Variants in RBFOX1 observed in about 807,000 individuals in gnomAD.
The protein encoded by RBFOX1 is RNA binding protein fox-1 homolog 1.
A neutral mutation model predicts 57.7 loss-of-function variants in RBFOX1; 8 were observed. That is an observed-to-expected ratio of 0.14 (90% CI 0.08 to 0.25). The LOEUF (loss-of-function observed/expected upper bound fraction) is 0.25. RBFOX1 is among the 10% of genes least tolerant of loss of function. The pLI is 1.00. For synonymous variants in RBFOX1, 326 were observed against 222.4 expected (o/e 1.47, Z -4.15); for missense variants, 611 against 548.5 (o/e 1.11, Z -1.14).
rs148640427 is a variant in RBFOX1 at position 6,339,032 on chromosome 16, T to C, written c.-64+21975T>C. Among the ~76,000 whole-genome samples, 16 of 152,228 alleles carry C rather than the reference T, an allele frequency of 1.1e-4. No homozygotes were observed. In the East Asian group the frequency reaches 2.9e-3, roughly 28 times the overall value. On this transcript the variant is annotated intron_variant, in intron 2 of 15. Coordinates refer to ENST00000550418, the MANE Select transcript of RBFOX1 (RefSeq NM_018723.4). Reference sequence around the variant, plus strand: ...CCTGGGGCAGACTTAGACAATTAGATAGAAGGATCAGGAGTGGAATGGAAT... The same window carrying C: ...CCTGGGGCAGACTTAGACAATTAGACAGAAGGATCAGGAGTGGAATGGAAT...
At chr16:7,045,985 A>G (rs1348897275) in intron 3 of RBFOX1, among the ~76,000 whole-genome samples, 1 of 152,076 alleles carries the variant, frequency 6.6e-6, no homozygotes, top group African/African-American at 2.4e-5. Flanking sequence ...AATTAACGAA[A>G]ATCAATGCTA....
intron 3 of RBFOX1, chr16:5,867,195 C>G: frequency 1.6e-6 from 1 of 624,884 alleles, no homozygotes; most frequent in Non-Finnish European, 2.3e-6. Flanking sequence ...CAACCTTTGT[C>G]CCCTCGGGTC....
chr16:6,726,389 T>C (rs1244152245), intron 3 of RBFOX1, among the ~76,000 whole-genome samples: 1 of 117,670 alleles, frequency 8.5e-6, no homozygotes, highest in South Asian at 4.5e-4. Context: ...AATAAAACGC[T>C]ATTTTTTCTT....
At chr16:6,916,435 G>A (rs145229463) in intron 3 of RBFOX1, among the ~76,000 whole-genome samples, 6 of 151,994 alleles carry the variant, frequency 3.9e-5, no homozygotes, top group East Asian at 3.9e-4. Flanking sequence ...GGAATTGCTG[G>A]GTAATGTGGT....
At chr16:6,527,641 A>G (rs759814336) in intron 2 of RBFOX1, among the ~76,000 whole-genome samples, 5 of 152,120 alleles carry the variant, frequency 3.3e-5, no homozygotes, top group Admixed American at 6.6e-5. Context: ...TATCTTGAGG[A>G]CTGGTCTTGA....
chr16:6,975,807 ATAATGG>A (rs1186547365), intron 3 of RBFOX1, among the ~76,000 whole-genome samples: 3 of 152,278 alleles, frequency 2.0e-5, no homozygotes, highest in East Asian at 1.9e-4. Flanking sequence ...GTGAATAAAG[ATAATGG>A]TAATGGTAAT....
chr16:7,210,662 G>A (rs2090950826), intron 4 of RBFOX1, among the ~76,000 whole-genome samples: 1 of 152,100 alleles, frequency 6.6e-6, no homozygotes, highest in Admixed American at 6.6e-5. Context: ...TAGGTGTCAG[G>A]CATGCTGTTA....
intron 3 of RBFOX1, among the ~76,000 whole-genome samples, chr16:6,748,087 G>A (rs2074145632): frequency 6.6e-6 from 1 of 152,098 alleles, no homozygotes; most frequent in Admixed American, 6.5e-5. Flanking sequence ...TGTGTTAACT[G>A]AACTTGTATA....
At chr16:6,042,604 G>T (rs1183124557) in intron 1 of RBFOX1, among the ~76,000 whole-genome samples, 2 of 152,078 alleles carry the variant, frequency 1.3e-5, no homozygotes, top group East Asian at 3.9e-4. Context: ...AAGAAACTCT[G>T]GAAGATATTT....
intron 3 of RBFOX1, among the ~76,000 whole-genome samples, chr16:5,805,120 G>A (rs1050331615): frequency 1.3e-5 from 2 of 152,106 alleles, no homozygotes; most frequent in Admixed American, 6.5e-5. Context: ...GAAGGGGGCA[G>A]TTTGGTCACA....
chr16:7,620,887 G>A (rs2059206376), intron 10 of RBFOX1, among the ~76,000 whole-genome samples: 1 of 152,118 alleles, frequency 6.6e-6, no homozygotes, highest in South Asian at 2.1e-4. Flanking sequence ...TGCATGTGGA[G>A]TACATCTTGT....
intron 3 of RBFOX1, among the ~76,000 whole-genome samples, chr16:6,948,924 G>A (rs965161076): frequency 2.0e-5 from 3 of 152,104 alleles, no homozygotes; most frequent in Admixed American, 6.6e-5. Context: ...GGGAGAGTGG[G>A]TTATACCATC....
intron 3 of RBFOX1, among the ~76,000 whole-genome samples, chr16:6,683,722 G>C (rs1168633021): frequency 6.6e-6 from 1 of 152,178 alleles, no homozygotes; most frequent in Admixed American, 6.5e-5. Context: ...GGGTGTGTGA[G>C]ATGGTGAGAC....
chr16:6,337,893 A>G (rs1485593299), intron 2 of RBFOX1, among the ~76,000 whole-genome samples: 1 of 152,210 alleles, frequency 6.6e-6, no homozygotes, highest in Non-Finnish European at 1.5e-5. Context: ...AAACTGGTCA[A>G]TATCAGGAAG....
chr16:5,385,115 C>T (rs1294536079), intron 1 of RBFOX1, among the ~76,000 whole-genome samples: 1 of 152,160 alleles, frequency 6.6e-6, no homozygotes, highest in Non-Finnish European at 1.5e-5. Flanking sequence ...ATTATTGTGG[C>T]AAATATGTAT....
At chr16:6,800,125 T>A (rs1198254327) in intron 3 of RBFOX1, among the ~76,000 whole-genome samples, 1 of 152,160 alleles carries the variant, frequency 6.6e-6, no homozygotes, top group Non-Finnish European at 1.5e-5. Flanking sequence ...TGTATTATCG[T>A]TCCTAGTCCT....
At chr16:6,201,288 T>C (rs1475261302) in intron 1 of RBFOX1, among the ~76,000 whole-genome samples, 1 of 152,176 alleles carries the variant, frequency 6.6e-6, no homozygotes, top group East Asian at 1.9e-4. Flanking sequence ...ACCTCTTCTT[T>C]ATAAGGGTTT....
intron 2 of RBFOX1, among the ~76,000 whole-genome samples, chr16:6,416,152 C>T (rs746628312): frequency 2.0e-5 from 3 of 152,192 alleles, no homozygotes; most frequent in Admixed American, 1.3e-4. Flanking sequence ...CATGGTGCAG[C>T]AGTGTCCTCG....
At chr16:6,042,047 G>C (rs1044354895) in intron 1 of RBFOX1, among the ~76,000 whole-genome samples, 3 of 151,440 alleles carry the variant, frequency 2.0e-5, no homozygotes, top group Non-Finnish European at 4.4e-5. Context: ...TTCAAAGCCA[G>C]CAATACGGGC....
Sources: gnomAD v4.1 joint callset for allele counts (sites outside exome capture counted in the v4.1 genomes callset) on GRCh38, gnomAD v4.1.1 for gene constraint, MANE v1.5 for transcripts, NCBI Gene and HGNC (gene_info 2026-07-23, HGNC 2026-07-21) for gene names.